Variants in SLC6A6 observed in about 807,000 individuals in gnomAD.
The protein encoded by SLC6A6 is sodium- and chloride-dependent taurine transporter.
SLC6A6 carries 16 observed loss-of-function variants against 68.8 expected under a neutral mutation model. That is an observed-to-expected ratio of 0.23 (90% CI 0.16 to 0.35). The LOEUF (loss-of-function observed/expected upper bound fraction) is 0.35, where lower values mean the gene tolerates loss of function less well. Ranked by LOEUF, SLC6A6 falls within the 10% of genes least tolerant of loss-of-function variation. The pLI is 1.00. For synonymous variants in SLC6A6, 312 were observed against 315.4 expected (o/e 0.99, Z 0.12); for missense variants, 474 against 802.8 (o/e 0.59, Z 4.95).
chr3:14,434,437 CTCCCCT>C (rs1417797232), intron 2 of SLC6A6, among the ~76,000 whole-genome samples: 1 of 152,242 alleles, frequency 6.6e-6, no homozygotes, highest in Non-Finnish European at 1.5e-5. Flanking sequence ...TAGTGTCTAT[CTCCCCT>C]TCTGCAGGTC....
chr3:14,451,704 C>T (rs17309238), intron 5 of SLC6A6, among the ~76,000 whole-genome samples: 6,097 of 152,246 alleles, frequency 0.04, 138 homozygotes, highest in South Asian at 0.1. Context: ...TACGGGGCCT[C>T]GGAGACCTCA....
Position 14,472,466 on chromosome 3 carries a change from A to G in SLC6A6, c.1209+149A>G, listed in dbSNP as rs905708880. On this transcript the variant is annotated intron_variant, in intron 10 of 14. Transcript: ENST00000622186. The surrounding 1 kb of genome is among the most constrained non-coding windows in gnomAD (Gnocchi z 4.5). ...TCAGCTGTGAGGGTTCCTCCAGGACACCAGGAATAGAAAAAGCTCTGCGTC... is the reference window on the plus strand; with the variant it reads ...TCAGCTGTGAGGGTTCCTCCAGGACGCCAGGAATAGAAAAAGCTCTGCGTC... 3.2e-6 allele frequency: 2 copies of G among 628,696 alleles called. No individual in the cohort carries two copies. Among genetic ancestry groups the G allele is most frequent in the African/African-American group, 3.7e-5 (2 of 54,604 alleles). 38.9% of individuals were successfully genotyped at this position (628,696 alleles called of 1,614,324 possible).
At chr3:14,407,260 G>A (rs1472948968) in intron 1 of SLC6A6, among the ~76,000 whole-genome samples, 2 of 151,762 alleles carry the variant, frequency 1.3e-5, no homozygotes, top group Middle Eastern at 3.2e-3. Context: ...ATGTTGCCTG[G>A]GCTGGTCTTG....
At chr3:14,430,330 C>T (rs11919568) in intron 2 of SLC6A6, among the ~76,000 whole-genome samples, 36,456 of 151,960 alleles carry the variant, frequency 0.24, 4,541 homozygotes, top group Admixed American at 0.3. Context: ...GGTCAGGGCA[C>T]GCCTCCAAGG....
At chr3:14,437,580 G>A (rs1027867091) in intron 2 of SLC6A6, among the ~76,000 whole-genome samples, 4 of 152,080 alleles carry the variant, frequency 2.6e-5, no homozygotes, top group African/African-American at 7.2e-5. Context: ...ATTAACTTAC[G>A]TATCACCTCG....
chr3:14,420,553 T>TGATC (rs1052052761), intron 2 of SLC6A6, among the ~76,000 whole-genome samples: 4 of 149,608 alleles, frequency 2.7e-5, no homozygotes, highest in African/African-American at 1.0e-4. Context: ...AGCAGTGGTG[T>TGATC]GATCATAGCT....
chr3:14,443,779 G>A lies in SLC6A6; in HGVS notation c.145G>A (p.Asp49Asn), dbSNP rs1364177670. ...PQREKWSSKI[D>N]FVLSVAGGFV... ...GAGGGAGAAGTGGTCTAGCAAGATCGACTTTGTGCTCTCTGTGGCTGGCGG... is the reference window on the plus strand; with the variant it reads ...GAGGGAGAAGTGGTCTAGCAAGATCAACTTTGTGCTCTCTGTGGCTGGCGG... The change falls in exon 3 of 15, where the codon GAC becomes AAC. Residue 49 changes from aspartate (D) to asparagine (N), a missense_variant. Asp to Asn is a conservative substitution (Grantham distance 23). Around this residue, in one of 2 missense-constraint regions of SLC6A6, gnomAD observed 280 missense variants for 533.1 expected, o/e 0.53. Coordinates refer to ENST00000622186, the MANE Select transcript of SLC6A6 (RefSeq NM_003043.6). 1.2e-6 allele frequency: 2 copies of A among 1,614,060 alleles called. No homozygotes were observed. The highest frequency in any genetic ancestry group is 8.5e-7 in the Non-Finnish European group (1 of 1,180,026).
intron 1 of SLC6A6, among the ~76,000 whole-genome samples, chr3:14,404,325 G>T (rs1206105922): frequency 6.6e-6 from 1 of 152,066 alleles, no homozygotes; most frequent in African/African-American, 2.4e-5. Context: ...AGGGATTGTG[G>T]GGTGGGCATG....
chr3:14,419,384 C>T (rs1003723531), intron 2 of SLC6A6, among the ~76,000 whole-genome samples: 1 of 152,214 alleles, frequency 6.6e-6, no homozygotes, highest in Non-Finnish European at 1.5e-5. Flanking sequence ...CCTTCAGGTT[C>T]TCATCTGAGA....
chr3:14,447,747 G>T lies in SLC6A6; in HGVS notation c.530G>T (p.Arg177Leu). Residue 177 changes from arginine to leucine, a missense_variant, in exon 5 of 15, where the codon CGC (arginine) becomes CTC (leucine). This residue lies in a region of SLC6A6 where 280 missense variants were observed against 533.1 expected (regional missense o/e 0.53). Transcript: ENST00000622186. Reference sequence around the variant, plus strand: ...CCTCACTGCATGGAGGACACCATGCGCAAGAACAAGAGTGTCTGGATCACC... The same window carrying T: ...CCTCACTGCATGGAGGACACCATGCTCAAGAACAAGAGTGTCTGGATCACC... ...NTPHCMEDTM[R>L]KNKSVWITIS... 1 of 1,614,160 alleles carries T rather than the reference G, an allele frequency of 6.2e-7. No individual in the cohort carries two copies. Among genetic ancestry groups the T allele is most frequent in the Non-Finnish European group, 8.5e-7 (1 of 1,179,986 alleles).
chr3:14,468,090 A>T lies in SLC6A6; in HGVS notation c.974A>T (p.Asp325Val), dbSNP rs752512226. Residue 325 changes from aspartate (D) to valine (V), a missense_variant and splice_region_variant, in exon 9 of 15, where the codon GAC (aspartate) becomes GTC (valine). Transcript: ENST00000622186. This position sits in a 1 kb window ranked among gnomAD's most constrained non-coding sequence, Gnocchi z 4.5. ...TCCCTGACATATGTGTAACTTAGGGACTGTATGCTGCTGGGATGCCTGAAC... is the reference window on the plus strand; with the variant it reads ...TCCCTGACATATGTGTAACTTAGGGTCTGTATGCTGCTGGGATGCCTGAAC... ...YNKYKYNSYR[D>V]CMLLGCLNSG... The T allele has an allele frequency of 6.2e-7, 1 of 1,613,978 alleles. No individual in the cohort carries two copies. Among genetic ancestry groups the T allele is most frequent in the African/African-American group, 1.3e-5 (1 of 74,872 alleles).
In SLC6A6 at chr3:14,448,327, G is replaced by A. The variant is rs549523223; in HGVS notation, c.599+511G>A. ...ACAACAATTTATTTAGCTCTTGATT[G>A]TTCTGCTTGTTGGCAGTTTGGGCTG... On this transcript the variant is annotated intron_variant, in intron 5 of 14. Transcript: ENST00000622186. 12 of 169,524 alleles carry A rather than the reference G, an allele frequency of 7.1e-5. No homozygotes were observed. In the South Asian group the frequency reaches 1.1e-3, roughly 15 times the overall value. The allele number at this position is 169,524 out of a possible 1,614,324, so 10.5% of individuals were successfully genotyped here. A position where few individuals can be genotyped will look rare whatever the true frequency, so the allele number is the denominator to read the frequency against.
At position 14,480,929 on chromosome 3, in the gene SLC6A6, G is replaced by A. The variant is rs1428206577; in HGVS notation, c.1552-742G>A. Reference sequence around the variant, plus strand: ...ATTAGCATGGACCCAGGGCTGGGCTGTGGACACCGAACAGGGCAAGGCTCA... The same window carrying A: ...ATTAGCATGGACCCAGGGCTGGGCTATGGACACCGAACAGGGCAAGGCTCA... On this transcript the variant is annotated intron_variant, in intron 13 of 14. Transcript: ENST00000622186. Among the ~76,000 whole-genome samples the A allele has an allele frequency of 2.0e-5, 3 of 152,356 alleles. No individual in the cohort carries two copies. In the East Asian group the frequency reaches 5.8e-4, roughly 29 times the overall value.
chr3:14,478,935 C>A (rs996974713), intron 12 of SLC6A6, 150 bp from the exon 13 acceptor site: 3 of 621,144 alleles, frequency 4.8e-6, no homozygotes, highest in Admixed American at 5.8e-5. Context: ...ATTTGAATTT[C>A]ATGTAAATGT....
intron 2 of SLC6A6, among the ~76,000 whole-genome samples, chr3:14,433,393 G>T (rs1336025860): frequency 6.6e-6 from 1 of 152,156 alleles, no homozygotes; most frequent in African/African-American, 2.4e-5. Context: ...CCAGTCTTAG[G>T]TGTTAGGTCC....
intron 2 of SLC6A6, among the ~76,000 whole-genome samples, chr3:14,442,305 T>C (rs1700008281): frequency 6.6e-6 from 1 of 152,248 alleles, no homozygotes; most frequent in African/African-American, 2.4e-5. Flanking sequence ...CCCAGACTGC[T>C]TGGCTCTGAG....
intron 6 of SLC6A6, among the ~76,000 whole-genome samples, chr3:14,465,289 C>T (rs1472904587): frequency 2.0e-5 from 3 of 152,212 alleles, no homozygotes; most frequent in African/African-American, 4.8e-5. Context: ...GAGATGGCCA[C>T]ATCGTTTCTA....
rs561499605 is a variant in SLC6A6 at position 14,422,865 on chromosome 3, T to A, written c.-12+6412T>A. ...TCTCATTTATATTTTCTGGGTTGAG[T>A]TTTCCTGAGAGCTTCTGCTAGTCTC... On this transcript the variant is annotated intron_variant, in intron 2 of 14. Coordinates refer to ENST00000622186, the MANE Select transcript of SLC6A6 (RefSeq NM_003043.6). Among the ~76,000 whole-genome samples, 134 of 152,210 alleles carry A rather than the reference T, an allele frequency of 8.8e-4. 5 individuals are homozygous for A. In the South Asian group the frequency reaches 0.026, roughly 30 times the overall value.
chr3:14,415,835 T>C (rs1699351757), intron 1 of SLC6A6, among the ~76,000 whole-genome samples: 1 of 152,220 alleles, frequency 6.6e-6, no homozygotes, highest in African/African-American at 2.4e-5. Context: ...GAATACCACA[T>C]CCCCCAAGGA....
Sources: allele counts gnomAD v4.1 joint callset (sites outside exome capture counted in the v4.1 genomes callset), GRCh38; gene constraint gnomAD v4.1.1; regional missense constraint gnomAD v4.1.1; non-coding constraint Gnocchi (gnomAD v3.1); transcripts MANE v1.5; gene names NCBI Gene and HGNC (gene_info 2026-07-23, HGNC 2026-07-21).